L3MBTL1: variants seen among roughly 807,000 people sequenced by gnomAD.
L3MBTL1 encodes the protein lethal(3)malignant brain tumor-like protein 1.
Under a neutral mutation model 105.3 loss-of-function variants are expected in L3MBTL1, and 75 were observed. That is an observed-to-expected ratio of 0.71 (90% CI 0.59 to 0.86). L3MBTL1 has a LOEUF of 0.86. L3MBTL1 is among the 40% of genes least tolerant of loss of function. L3MBTL1 has a pLI of 0.00. For missense variants in L3MBTL1, 1,069 were observed against 1,126.4 expected, an observed-to-expected ratio of 0.95 and a Z score of 0.73; for synonymous variants, 452 against 436.2, an observed-to-expected ratio of 1.04 and a Z score of -0.45.
In L3MBTL1 at chr20:43,534,942, G is replaced by T. The variant is rs544291942; in HGVS notation, c.1825G>T (p.Gly609Ter). The change falls in exon 16 of 22, where the codon GGA becomes TGA. Residue 609 changes from glycine (G) to a stop codon, truncating the protein, a stop_gained and splice_region_variant. Coordinates refer to ENST00000418998, the MANE Select transcript of L3MBTL1 (RefSeq NM_001377303.1). LOFTEE classifies it high-confidence loss of function. ...AGGACATCCCCTGCAGCCTCCTCTCGGTGTGTACCCCTAGGGCACTCTGAT... is the reference window on the plus strand; with the variant it reads ...AGGACATCCCCTGCAGCCTCCTCTCTGTGTGTACCCCTAGGGCACTCTGAT... ...KTGHPLQPPL[G>*]PREPSSASPG... is the part of the protein sequence containing the mutation. The T allele has an allele frequency of 1.3e-6, 2 of 1,587,898 alleles. No homozygotes were observed. The highest frequency in any genetic ancestry group is 1.7e-6 in the Non-Finnish European group (2 of 1,169,180).
chr20:43,545,113 CA>C (rs1236793111), downstream of L3MBTL1, among the ~76,000 whole-genome samples: 1 of 152,064 alleles, frequency 6.6e-6, no homozygotes, highest in African/African-American at 2.4e-5. Context: ...GAAGGAGCCC[CA>C]GAGGCCAGGC....
At chr20:43,517,113 C>A (rs1055746282) in intron 7 of L3MBTL1, among the ~76,000 whole-genome samples, 1 of 130,722 alleles carries the variant, frequency 7.6e-6, no homozygotes, top group Non-Finnish European at 1.6e-5. Context: ...TTTTTTTTTT[C>A]TTTGAGACGG....
At chr20:43,546,189 G>C (rs1246892966), downstream of L3MBTL1, among the ~76,000 whole-genome samples, 1 of 152,240 alleles carries the variant, frequency 6.6e-6, no homozygotes, top group Non-Finnish European at 1.5e-5. Flanking sequence ...AGAGGGAACA[G>C]AGCTGCAAGG....
chr20:43,542,611 C>CAAAAAAAAAAAAAAAA (rs5841503), downstream of L3MBTL1, among the ~76,000 whole-genome samples: 6 of 112,662 alleles, frequency 5.3e-5, no homozygotes, highest in Non-Finnish European at 9.1e-5. Context: ...AAAAATTTAA[C>CAAAAAAAAAAAAAAAA]AAAAAAAAAA....
chr20:43,545,555 C>T (rs1024830694), downstream of L3MBTL1, among the ~76,000 whole-genome samples: 1 of 152,124 alleles, frequency 6.6e-6, no homozygotes, highest in Non-Finnish European at 1.5e-5. Flanking sequence ...AGCAGTATCT[C>T]CAGTGCTTCC....
intron 1 of L3MBTL1, among the ~76,000 whole-genome samples, chr20:43,510,748 C>T (rs188871856): frequency 1.5e-4 from 22 of 150,666 alleles, no homozygotes; most frequent in African/African-American, 5.1e-4. Context: ...GACAGGGTCT[C>T]GCTCTGTCAC....
chr20:43,512,417 C>T (rs2018156500), intron 1 of L3MBTL1, among the ~76,000 whole-genome samples: 1 of 152,192 alleles, frequency 6.6e-6, no homozygotes, highest in African/African-American at 2.4e-5. Flanking sequence ...CGCTATGTTG[C>T]CCAGGCTAGC....
At chr20:43,538,239 G>C (rs1224088626) in intron 19 of L3MBTL1, among the ~76,000 whole-genome samples, 2 of 152,172 alleles carry the variant, frequency 1.3e-5, no homozygotes, top group African/African-American at 2.4e-5. Context: ...CCATGGTCAA[G>C]TCCACTGCAG....
chr20:43,531,004 G>A (rs2019310078), intron 11 of L3MBTL1, 115 bp downstream of exon 11: 2 of 831,834 alleles, frequency 2.4e-6, no homozygotes, highest in African/African-American at 1.7e-5. Flanking sequence ...TCTCAGCTTT[G>A]TTCTGATCTC....
chr20:43,514,000 G>A lies in L3MBTL1; in HGVS notation c.299G>A (p.Ser100Asn), dbSNP rs2018217681. The A allele has an allele frequency of 1.9e-6, 3 of 1,542,652 alleles. No homozygotes were observed. Among genetic ancestry groups the A allele is most frequent in the Non-Finnish European group, 2.6e-6 (3 of 1,146,860 alleles). The change falls in exon 3 of 22, where the codon AGC (serine) becomes AAC (asparagine). Residue 100 changes from serine (S) to asparagine (N), a missense_variant. Transcript: ENST00000418998. ...GCCGGGCCGGCCAGCTCCAGCACCA[G>A]CACAGTGCGGCTTCTGGAATGGACA... Reference protein sequence around the residue: ...LSAGPASSSTSTVRLLEWTEA... With the variant: ...LSAGPASSSTNTVRLLEWTEA...
intron 7 of L3MBTL1, among the ~76,000 whole-genome samples, chr20:43,527,056 T>C (rs2019069934): frequency 6.6e-6 from 1 of 152,168 alleles, no homozygotes; most frequent in Non-Finnish European, 1.5e-5. Flanking sequence ...CAAGCCTGAA[T>C]TATCCAGGGT....
At chr20:43,546,866 T>C (rs1241173686), downstream of L3MBTL1, among the ~76,000 whole-genome samples, 1 of 152,228 alleles carries the variant, frequency 6.6e-6, no homozygotes, top group Non-Finnish European at 1.5e-5. Flanking sequence ...CTCTAAAAAC[T>C]AAGGACTTTC....
chr20:43,514,900 T>A, intron 4 of L3MBTL1, 109 bp from the exon 5 acceptor site: 1 of 1,472,432 alleles, frequency 6.8e-7, no homozygotes, highest in Non-Finnish European at 9.1e-7. Flanking sequence ...GAGGAGGCCA[T>A]CCGATGCGGA....
downstream of L3MBTL1, among the ~76,000 whole-genome samples, chr20:43,544,341 T>C (rs1316909598): frequency 6.6e-6 from 1 of 152,236 alleles, no homozygotes; most frequent in African/African-American, 2.4e-5. Context: ...CCTGGACCTC[T>C]CCACAGCACT....
intron 3 of L3MBTL1, chr20:43,514,416 G>C: frequency 1.4e-6 from 2 of 1,455,596 alleles, no homozygotes; most frequent in Non-Finnish European, 1.8e-6. Context: ...GTGGCTTAGA[G>C]TGGGGCACCC....
intron 7 of L3MBTL1, among the ~76,000 whole-genome samples, chr20:43,518,620 A>G (rs2018528825): frequency 6.6e-6 from 1 of 152,122 alleles, no homozygotes; most frequent in African/African-American, 2.4e-5. Context: ...ATACATTCCA[A>G]GAACCCCAGT....
At chr20:43,510,412 T>TCTTTC (rs2018101623) in intron 1 of L3MBTL1, among the ~76,000 whole-genome samples, 1 of 148,246 alleles carries the variant, frequency 6.7e-6, no homozygotes. Flanking sequence ...CTTTCTTTTT[T>TCTTTC]TTTTTTTTTT....
chr20:43,544,028 G>A (rs1978409158), downstream of L3MBTL1, among the ~76,000 whole-genome samples: 1 of 152,186 alleles, frequency 6.6e-6, no homozygotes, highest in Non-Finnish European at 1.5e-5. Context: ...TGCTCCTGGT[G>A]GAGTGTGGTA....
chr20:43,520,664 C>T (rs921956362), intron 7 of L3MBTL1, among the ~76,000 whole-genome samples: 2 of 152,194 alleles, frequency 1.3e-5, no homozygotes, highest in African/African-American at 2.4e-5. Flanking sequence ...AGCATGTTTT[C>T]ATGTGCTTAT....
Sources: gnomAD v4.1 joint callset for allele counts (sites outside exome capture counted in the v4.1 genomes callset) on GRCh38, gnomAD v4.1.1 for gene constraint, MANE v1.5 for transcripts, NCBI Gene and HGNC (gene_info 2026-07-23, HGNC 2026-07-21) for gene names.